The following COX4I2 variants were observed in gnomAD, a reference collection of about 807,000 sequenced individuals.
COX4I2 encodes the protein cytochrome c oxidase subunit 4 isoform 2, mitochondrial.
COX4I2 carries 15 observed loss-of-function variants against 20.8 expected under a neutral mutation model. The ratio of observed to expected loss-of-function variants is 0.72; its 90% CI spans 0.48 to 1.11. The LOEUF is 1.11. Among genes scored for constraint, COX4I2 ranks in the 50% most tolerant of loss-of-function variants. COX4I2 has a pLI of 0.00. For missense variants in COX4I2, 224 were observed against 223.0 expected, an observed-to-expected ratio of 1.00 and a Z score of -0.03; for synonymous variants, 80 against 78.1, an observed-to-expected ratio of 1.02 and a Z score of -0.13.
chr20:31,643,837 T>C (rs1185452783), intron 4 of COX4I2, among the ~76,000 whole-genome samples: 1 of 152,218 alleles, frequency 6.6e-6, no homozygotes, highest in Non-Finnish European at 1.5e-5. Context: ...TGAATGGTGT[T>C]GTAACTGATT....
intron 1 of COX4I2, among the ~76,000 whole-genome samples, chr20:31,638,456 G>A (rs2060448330): frequency 2.2e-5 from 2 of 90,768 alleles, no homozygotes; most frequent in South Asian, 9.0e-4. Context: ...ACTGGGCTCA[G>A]CCAGACTGGC....
chr20:31,643,545 A>C lies in COX4I2; in HGVS notation c.379+10A>C. On this transcript the variant is annotated intron_variant, in intron 4 of 4. Transcript: ENST00000376075. The stretch of plus-strand genomic sequence containing the variant: ...TGGCAGCGGGTCTACGGTGAGTGGC[A>C]ACACCTCATCTGGCTGCAGTCCTGG... 5.0e-6 allele frequency: 8 copies of C among 1,614,076 alleles called. No homozygotes were observed. In the South Asian group the frequency reaches 7.7e-5, roughly 16 times the overall value.
chr20:31,644,944 TG>T lies in COX4I2; in HGVS notation c.*43del. The T allele has an allele frequency of 1.2e-6, 2 of 1,605,106 alleles. No individual in the cohort carries two copies. Among genetic ancestry groups the T allele is most frequent in the Non-Finnish European group, 1.7e-6 (2 of 1,175,966 alleles). The stretch of plus-strand genomic sequence containing the variant: ...TGTCTCCCTGAGGCTCCGCCCTGGC[TG>T]GGAGCCTCTGGCGGCCCCTCCCCTC... On this transcript the variant is annotated 3_prime_UTR_variant, in exon 5 of 5. Transcript: ENST00000376075.
At chr20:31,638,995 C>T (rs1349679109) in intron 1 of COX4I2, 23 bp from the exon 2 acceptor site, 4 of 1,597,902 alleles carry the variant, frequency 2.5e-6, no homozygotes, top group Non-Finnish European at 3.4e-6. Context: ...GGGCAGAACT[C>T]ATCTATACCT....
In COX4I2 at chr20:31,638,924, A is replaced by C. The variant is rs1191984308; in HGVS notation, c.1-94A>C. On this transcript the variant is annotated intron_variant, in intron 1 of 4. Coordinates refer to ENST00000376075, the MANE Select transcript of COX4I2 (RefSeq NM_032609.3). ...ACACTGGGACACCCCTACCACTACC[A>C]TACCAGTGGAAAAGGATTTTTCCAT... is the stretch of plus-strand genomic sequence containing the variant. 3 of 1,278,868 alleles carry C rather than the reference A, an allele frequency of 2.3e-6. No individual in the cohort carries two copies. The African/African-American group carries it at 4.4e-5, about 19-fold the overall frequency. The allele number at this position is 1,278,868 out of a possible 1,614,324, so 79.2% of individuals were successfully genotyped here.
intron 3 of COX4I2, among the ~76,000 whole-genome samples, chr20:31,641,063 G>C (rs1425268877): frequency 6.6e-6 from 1 of 151,156 alleles, no homozygotes; most frequent in East Asian, 1.9e-4. Context: ...AATAGCATTA[G>C]GAGATATACC....
intron 3 of COX4I2, among the ~76,000 whole-genome samples, chr20:31,641,632 C>G (rs1302104150): frequency 6.6e-6 from 1 of 152,138 alleles, no homozygotes; most frequent in Non-Finnish European, 1.5e-5. Flanking sequence ...GCTGCTACAC[C>G]ACATTAGCTA....
At chr20:31,639,390 A>ACC (rs2060453717) in intron 2 of COX4I2, 2 of 608,152 alleles carry the variant, frequency 3.3e-6, no homozygotes, top group Admixed American at 1.3e-4. Flanking sequence ...AGAACCTTGG[A>ACC]CCCTGATTCC....
rs1276900094 is a variant in COX4I2 at position 31,644,949 on chromosome 20, G to A, written c.*45G>A. ...CCCTGAGGCTCCGCCCTGGCTGGGA[G>A]CCTCTGGCGGCCCCTCCCCTCCCCT... On this transcript the variant is annotated 3_prime_UTR_variant, in exon 5 of 5. Coordinates refer to ENST00000376075, the MANE Select transcript of COX4I2 (RefSeq NM_032609.3). The A allele has an allele frequency of 1.2e-6, 2 of 1,601,848 alleles. No homozygotes were observed. The highest frequency in any genetic ancestry group is 1.7e-6 in the Non-Finnish European group (2 of 1,174,476).
intron 3 of COX4I2, among the ~76,000 whole-genome samples, chr20:31,641,182 TA>T (rs893209993): frequency 1.9e-4 from 28 of 146,852 alleles, no homozygotes; most frequent in Admixed American, 4.8e-4. Context: ...TAATAAAATT[TA>T]AAAAAAAAAG....
intron 1 of COX4I2, among the ~76,000 whole-genome samples, chr20:31,638,479 C>CT (rs2060448611): frequency 1.2e-3 from 1 of 830 alleles, no homozygotes; most frequent in African/African-American, 5.1e-3. Flanking sequence ...AGCCCAGTCC[C>CT]CACCCCAACC....
In COX4I2 at chr20:31,644,931, G is replaced by C; in HGVS notation, c.*27G>C. On this transcript the variant is annotated 3_prime_UTR_variant, in exon 5 of 5. Coordinates refer to ENST00000376075, the MANE Select transcript of COX4I2 (RefSeq NM_032609.3). ...TTGCATCCCCAGCTGTCTCCCTGAG[G>C]CTCCGCCCTGGCTGGGAGCCTCTGG... is the stretch of plus-strand genomic sequence containing the variant. 6.2e-7 allele frequency: 1 copy of C among 1,610,608 alleles called. No individual in the cohort carries two copies. The highest frequency in any genetic ancestry group is 8.5e-7 in the Non-Finnish European group (1 of 1,178,564).
rs746855863 is a variant in COX4I2, at chr20:31,639,914, C to T, written c.83-19C>T. Reference sequence around the variant, plus strand: ...TCCCAAGGGCAGCCTGGACTCAGCTCCCTCCATTGTGTCTGCAGCCCGTGG... The same window carrying T: ...TCCCAAGGGCAGCCTGGACTCAGCTTCCTCCATTGTGTCTGCAGCCCGTGG... On this transcript the variant is annotated intron_variant, in intron 2 of 4. Coordinates refer to ENST00000376075, the MANE Select transcript of COX4I2 (RefSeq NM_032609.3). 1.2e-6 allele frequency: 2 copies of T among 1,613,818 alleles called. No individual in the cohort carries two copies. The highest frequency in any genetic ancestry group is 2.7e-5 in the African/African-American group (2 of 75,018).
chr20:31,639,205 T>TA (rs1013154687), intron 2 of COX4I2, 106 bp downstream of exon 2: 10 of 1,539,932 alleles, frequency 6.5e-6, no homozygotes, highest in African/African-American at 1.4e-5. Flanking sequence ...GGCCTGTTCC[T>TA]ACCACACTTC....
Position 31,643,495 on chromosome 20 carries a change from T to C in COX4I2, c.339T>C (p.Ile113=). 3 of 1,614,186 alleles carry C rather than the reference T, an allele frequency of 1.9e-6. No individual in the cohort carries two copies. The highest frequency in any genetic ancestry group is 2.5e-6 in the Non-Finnish European group (3 of 1,180,036). Residue 113 remains isoleucine (I), a synonymous_variant, in exon 4 of 5, where the codon ATT becomes ATC. Transcript: ENST00000376075. ...KTVMGCVFFF[I]GFAALVIWWQ... ...TGATGGGTTGTGTCTTCTTCTTCAT[T>C]GGATTCGCAGCTCTGGTGATTTGGT...
At chr20:31,641,191 A>G (rs1351931537) in intron 3 of COX4I2, among the ~76,000 whole-genome samples, 7 of 151,866 alleles carry the variant, frequency 4.6e-5, no homozygotes, top group Admixed American at 1.3e-4. Flanking sequence ...TTAAAAAAAA[A>G]AGAGAAATTG....
chr20:31,641,878 G>A (rs1036112614), intron 3 of COX4I2, among the ~76,000 whole-genome samples: 1 of 143,778 alleles, frequency 7.0e-6, no homozygotes, highest in Non-Finnish European at 1.5e-5. Context: ...TTTTTTTTTT[G>A]TATTTTTTTT....
At chr20:31,640,334 C>G (rs1023459274) in intron 3 of COX4I2, among the ~76,000 whole-genome samples, 5 of 152,136 alleles carry the variant, frequency 3.3e-5, no homozygotes, top group African/African-American at 9.7e-5. Context: ...AGTTCCTGCC[C>G]CCATGGTGCC....
intron 3 of COX4I2, among the ~76,000 whole-genome samples, chr20:31,641,513 A>G (rs1039963464): frequency 6.6e-6 from 1 of 152,216 alleles, no homozygotes; most frequent in Non-Finnish European, 1.5e-5. Context: ...CTCACATTTG[A>G]GAGACTGAGG....
Sources: allele counts gnomAD v4.1 joint callset (sites outside exome capture counted in the v4.1 genomes callset), GRCh38; gene constraint gnomAD v4.1.1; transcripts MANE v1.5; gene names NCBI Gene and HGNC (gene_info 2026-07-23, HGNC 2026-07-21).